ZNF253: variants seen among roughly 807,000 people sequenced by gnomAD.
ZNF253 encodes zinc finger protein 253.
ZNF253 carries 8 observed loss-of-function variants against 11.9 expected under a neutral mutation model. That is an observed-to-expected ratio of 0.67 (90% confidence interval 0.40 to 1.22). The LOEUF (loss-of-function observed/expected upper bound fraction) is 1.22, where lower values mean the gene tolerates loss of function less well. Ranked by LOEUF, ZNF253 falls within the 50% of genes most tolerant of loss-of-function variation. ZNF253 has a pLI of 0.01. For synonymous variants in ZNF253, 194 were observed against 194.9 expected (o/e 1.00, Z 0.04); for missense variants, 485 against 586.9 (o/e 0.83, Z 1.79).
At chr19:19,873,894 C>T (rs1316527585) in intron 1 of ZNF253, among the ~76,000 whole-genome samples, 1 of 151,586 alleles carries the variant, frequency 6.6e-6, no homozygotes, top group Non-Finnish European at 1.5e-5. Context: ...TATTCATGAA[C>T]AGAAGAATTG....
At chr19:19,872,400 A>G (rs2063137182) in intron 1 of ZNF253, among the ~76,000 whole-genome samples, 2 of 151,820 alleles carry the variant, frequency 1.3e-5, no homozygotes, top group African/African-American at 4.9e-5. Context: ...CCTTTTGATT[A>G]TCAAACTCAG....
At chr19:19,884,360 G>C (rs958409879) in intron 3 of ZNF253, among the ~76,000 whole-genome samples, 1 of 147,152 alleles carries the variant, frequency 6.8e-6, no homozygotes, top group African/African-American at 2.6e-5. Flanking sequence ...TTCTTTTGTT[G>C]TTTGTTATTT....
chr19:19,867,955 C>CT (rs940713632), intron 1 of ZNF253, among the ~76,000 whole-genome samples: 49 of 144,002 alleles, frequency 3.4e-4, no homozygotes, highest in African/African-American at 5.4e-4. Flanking sequence ...TAGTGATGAG[C>CT]TTTTTTTTTT....
intron 3 of ZNF253, among the ~76,000 whole-genome samples, chr19:19,889,150 G>C (rs2063218657): frequency 1.3e-5 from 2 of 151,390 alleles, no homozygotes; most frequent in Admixed American, 1.3e-4. Context: ...ATCCTAGTTT[G>C]TTCAGCTTCT....
At chr19:19,873,777 A>C (rs939863763) in intron 1 of ZNF253, among the ~76,000 whole-genome samples, 4 of 152,178 alleles carry the variant, frequency 2.6e-5, no homozygotes, top group Non-Finnish European at 5.9e-5. Context: ...TAATTGAATT[A>C]TGTGTCATAT....
Position 19,892,063 on chromosome 19 carries a change from T to C in ZNF253, c.816T>C (p.Thr272=), listed in dbSNP as rs374176012. 9.2e-5 allele frequency: 149 copies of C among 1,613,676 alleles called. No homozygotes were observed. The highest frequency in any genetic ancestry group is 1.1e-4 in the Non-Finnish European group (129 of 1,179,980). Residue 272 remains threonine (T), a synonymous_variant, in exon 4 of 4, where the codon ACT becomes ACC. Transcript: ENST00000589717. ...CCTTCAACCGATCCACAGACCTTAC[T>C]ACACATAAGATAGTTCATACTGGAG... ...GKAFNRSTDL[T]THKIVHTGEK...
chr19:19,872,585 A>ATATATATATATATTAT (rs2063139205), intron 1 of ZNF253, among the ~76,000 whole-genome samples: 2 of 90,472 alleles, frequency 2.2e-5, no homozygotes, highest in Admixed American at 1.0e-4. Context: ...ATATATTATT[A>ATATATATATATATTAT]TATATATATA....
In ZNF253 at chr19:19,891,515, A is replaced by G. The variant is rs902753710; in HGVS notation, c.268A>G (p.Ile90Val). Residue 90 changes from isoleucine (I) to valine (V), a missense_variant, in exon 4 of 4, where the codon ATA becomes GTA. This residue lies in a region of ZNF253 where 218 missense variants were observed against 213.1 expected (regional missense o/e 1.02). Coordinates refer to ENST00000589717, the MANE Select transcript of ZNF253 (RefSeq NM_021047.3). Reference protein sequence around the residue: ...HFAQDLWPENIQNSFQIGMLR... With the variant: ...HFAQDLWPENVQNSFQIGMLR... The stretch of plus-strand genomic sequence containing the variant: ...TGCCCAAGACCTTTGGCCAGAGAAC[A>G]TACAAAATTCTTTCCAAATAGGGAT... The G allele has an allele frequency of 4.3e-6, 7 of 1,611,060 alleles. No homozygotes were observed. The highest frequency in any genetic ancestry group is 5.9e-6 in the Non-Finnish European group (7 of 1,178,440).
intron 3 of ZNF253, among the ~76,000 whole-genome samples, chr19:19,884,634 T>C (rs73530911): frequency 0.079 from 11,975 of 152,174 alleles, 1,111 homozygotes; most frequent in African/African-American, 0.23. Flanking sequence ...GGCCTCCCAG[T>C]GTGCTATGAT....
At chr19:19,871,629 T>G (rs2063134253) in intron 1 of ZNF253, among the ~76,000 whole-genome samples, 1 of 152,182 alleles carries the variant, frequency 6.6e-6, no homozygotes. Flanking sequence ...CATACACAGA[T>G]GGCCTCTTCA....
chr19:19,892,140 A>G lies in ZNF253; in HGVS notation c.893A>G (p.His298Arg), dbSNP rs371552475. The G allele has an allele frequency of 5.6e-6, 9 of 1,613,562 alleles. No individual in the cohort carries two copies. The highest frequency in any genetic ancestry group is 1.3e-5 in the African/African-American group (1 of 74,818). ...ECGKAFKHPS[H>R]VTTHKKIHTR... ...GGCAAAGCCTTTAAGCACCCCTCACACGTTACCACACATAAGAAAATTCAT... is the reference window on the plus strand; with the variant it reads ...GGCAAAGCCTTTAAGCACCCCTCACGCGTTACCACACATAAGAAAATTCAT... Residue 298 changes from histidine to arginine, a missense_variant, in exon 4 of 4, where the codon CAC becomes CGC. This residue lies in a region of ZNF253 where 232 missense variants were observed against 321.4 expected (regional missense o/e 0.72). Transcript: ENST00000589717.
chr19:19,885,026 CT>C (rs1417157782), intron 3 of ZNF253, among the ~76,000 whole-genome samples: 1 of 152,086 alleles, frequency 6.6e-6, no homozygotes, highest in Non-Finnish European at 1.5e-5. Flanking sequence ...AATATTAACT[CT>C]TTTAACAAGT....
rs2063246619 is a variant in ZNF253, at chr19:19,894,664, A to AT, written c.*1918dup. On this transcript the variant is annotated 3_prime_UTR_variant, in exon 4 of 4. Transcript: ENST00000589717. The stretch of plus-strand genomic sequence containing the variant: ...TGAATTATTTTATTAATAAGCAAAG[A>AT]TAAAAAATAAGGTGGGGTTTCAGAG... The AT allele has an allele frequency of 6.6e-6, 1 of 152,196 alleles. No homozygotes were observed. Among genetic ancestry groups the AT allele is most frequent in the South Asian group, 2.1e-4 (1 of 4,834 alleles). 9.4% of individuals were successfully genotyped at this position (152,196 alleles called of 1,614,324 possible).
At chr19:19,884,354 TTTG>T (rs1392757781) in intron 3 of ZNF253, among the ~76,000 whole-genome samples, 1 of 149,392 alleles carries the variant, frequency 6.7e-6, no homozygotes, top group Non-Finnish European at 1.5e-5. Flanking sequence ...TTTTGTTTCT[TTTG>T]TTGTTTGTTA....
intron 2 of ZNF253, among the ~76,000 whole-genome samples, chr19:19,879,153 A>T (rs1383242832): frequency 2.0e-5 from 3 of 152,180 alleles, no homozygotes; most frequent in Non-Finnish European, 4.4e-5. Flanking sequence ...TGCTTGAGTA[A>T]GGTGGGATAT....
chr19:19,878,612 G>A lies in ZNF253; in HGVS notation c.130+5G>A, dbSNP rs2063165378. 1.9e-6 allele frequency: 3 copies of A among 1,608,018 alleles called. No individual in the cohort carries two copies. The highest frequency in any genetic ancestry group is 2.5e-6 in the Non-Finnish European group (3 of 1,178,050). ...ACAGAAACTTGGTCTTCCTTGGTGA[G>A]GACAACTTGAATATATAATTCATAA... On this transcript the variant is annotated splice_donor_5th_base_variant and intron_variant, in intron 2 of 3. Coordinates refer to ENST00000589717, the MANE Select transcript of ZNF253 (RefSeq NM_021047.3).
Position 19,892,085 on chromosome 19 carries a change from G to T in ZNF253, c.838G>T (p.Gly280Ter), listed in dbSNP as rs778215855. 3.1e-6 allele frequency: 5 copies of T among 1,613,858 alleles called. No homozygotes were observed. The African/African-American group carries it at 6.7e-5, about 22-fold the overall frequency. The change falls in exon 4 of 4, where the codon GGA becomes TGA. Residue 280 changes from glycine to a stop codon, truncating the protein, a stop_gained. Coordinates refer to ENST00000589717, the MANE Select transcript of ZNF253 (RefSeq NM_021047.3). LOFTEE classifies it low-confidence loss of function (END_TRUNC). The stretch of plus-strand genomic sequence containing the variant: ...TACTACACATAAGATAGTTCATACT[G>T]GAGAGAAACCCTACAAATGTGAAGA... ...DLTTHKIVHT[G>*]EKPYKCEECG...
At chr19:19,870,742 T>C (rs1302320849) in intron 1 of ZNF253, 1 of 152,152 alleles carries the variant, frequency 6.6e-6, no homozygotes, top group African/African-American at 2.4e-5. Flanking sequence ...TGTTGGAAGT[T>C]GTCAGATGTA....
intron 1 of ZNF253, 72 bp downstream of exon 1, chr19:19,866,071 ACT>A (rs1320424759): frequency 1.3e-5 from 21 of 1,598,878 alleles, no homozygotes; most frequent in Non-Finnish European, 1.8e-5. Context: ...CTCTGGCGGG[ACT>A]CTGCTTCCTC....
Sources: gnomAD v4.1 joint callset for allele counts (sites outside exome capture counted in the v4.1 genomes callset) on GRCh38, gnomAD v4.1.1 for gene constraint, gnomAD v4.1.1 regional missense constraint, MANE v1.5 for transcripts, NCBI Gene and HGNC (gene_info 2026-07-23, HGNC 2026-07-21) for gene names.